The following CDK19 variants were observed in gnomAD, a reference collection of about 807,000 sequenced individuals.
CDK19 encodes the protein cyclin dependent kinase 19.
A neutral mutation model predicts 68.3 loss-of-function variants in CDK19; 20 were observed. The observed-to-expected ratio is 0.29, with a 90% confidence interval of 0.21 to 0.43. The LOEUF (loss-of-function observed/expected upper bound fraction) is 0.43, where lower values mean the gene tolerates loss of function less well. Among genes scored for constraint, CDK19 ranks in the 20% least tolerant of loss-of-function variants. The pLI is 1.00. For synonymous variants in CDK19, 221 were observed against 222.8 expected (o/e 0.99, Z 0.07); for missense variants, 339 against 623.5 (o/e 0.54, Z 4.86).
intron 6 of CDK19, among the ~76,000 whole-genome samples, chr6:110,628,593 T>C (rs1011181097): frequency 6.6e-5 from 10 of 152,180 alleles, no homozygotes; most frequent in African/African-American, 1.9e-4. Flanking sequence ...CAAAAAAACA[T>C]AGTATATACA....
intron 2 of CDK19, among the ~76,000 whole-genome samples, chr6:110,702,970 T>C (rs1774137007): frequency 6.6e-6 from 1 of 152,206 alleles, no homozygotes; most frequent in African/African-American, 2.4e-5. Context: ...TATTTCTATT[T>C]CTGAAATGTC....
intron 1 of CDK19, among the ~76,000 whole-genome samples, chr6:110,752,929 ATT>A (rs1778575544): frequency 6.6e-6 from 1 of 151,156 alleles, no homozygotes. Context: ...TTGGTTTTTT[ATT>A]TGTTTGTTTG....
Position 110,669,534 on chromosome 6 carries a change from A to C in CDK19, c.315+897T>G, listed in dbSNP as rs539460810. 1.2e-3 allele frequency among the ~76,000 whole-genome samples: 181 copies of C among 152,278 alleles called. 1 individual carries two copies. The highest frequency in any genetic ancestry group is 4.2e-3 in the African/African-American group (175 of 41,558). On this transcript the variant is annotated intron_variant, in intron 3 of 12. Transcript: ENST00000368911. ...GATGGCTCATGCCTATAATCTCAAC[A>C]GTTTGAGAGGCCAAAGTAGGAAAAT...
In CDK19 at chr6:110,712,146, T is replaced by G. The variant is rs185932759; in HGVS notation, c.204+33980A>C. ...CAGGCTACTCCTCCTGTAAAAAAAG[T>G]TCTGAGTTCAAATAAGTTTGGGAAA... On this transcript the variant is annotated intron_variant, in intron 2 of 12. Coordinates refer to ENST00000368911, the MANE Select transcript of CDK19 (RefSeq NM_015076.5). Among the ~76,000 whole-genome samples the G allele has an allele frequency of 8.5e-5, 13 of 152,298 alleles. No homozygotes were observed. The East Asian group carries it at 2.5e-3, about 29-fold the overall frequency.
In CDK19 at chr6:110,733,324, C is replaced by G. The variant is rs145978392; in HGVS notation, c.204+12802G>C. Among the ~76,000 whole-genome samples the G allele has an allele frequency of 3.0e-3, 450 of 152,224 alleles. 2 individuals are homozygous for G. Among genetic ancestry groups the G allele is most frequent in the African/African-American group, 0.01 (436 of 41,534 alleles). ...AATATTAATGCAGTCTATGGATACA[C>G]CATAAATTATTGATCCACTCTCCTA... On this transcript the variant is annotated intron_variant, in intron 2 of 12. Coordinates refer to ENST00000368911, the MANE Select transcript of CDK19 (RefSeq NM_015076.5).
intron 2 of CDK19, among the ~76,000 whole-genome samples, chr6:110,672,219 T>C (rs893888044): frequency 1.1e-4 from 17 of 151,994 alleles, no homozygotes; most frequent in African/African-American, 4.1e-4. Flanking sequence ...ACGTAGAGAG[T>C]TTGCCTTTAT....
At chr6:110,795,786 G>C (rs1187364567) in intron 1 of CDK19, among the ~76,000 whole-genome samples, 1 of 152,074 alleles carries the variant, frequency 6.6e-6, no homozygotes, top group Non-Finnish European at 1.5e-5. Context: ...AGAGAGTTCA[G>C]TAAAGCATTG....
chr6:110,641,125 T>G (rs1487742420), intron 4 of CDK19, among the ~76,000 whole-genome samples: 1 of 151,850 alleles, frequency 6.6e-6, no homozygotes, highest in Non-Finnish European at 1.5e-5. Context: ...AAAAGATTGG[T>G]TCACCATATG....
intron 1 of CDK19, among the ~76,000 whole-genome samples, chr6:110,787,615 A>AT (rs1288908558): frequency 6.6e-6 from 1 of 151,802 alleles, no homozygotes; most frequent in African/African-American, 2.4e-5. Context: ...ATTTTATTTT[A>AT]TTTTTTTGTA....
rs1214784746 is a variant in CDK19, at chr6:110,626,761, T to A, written c.860+15A>T. 6 of 1,462,912 alleles carry A rather than the reference T, an allele frequency of 4.1e-6. No individual in the cohort carries two copies. In the African/African-American group the frequency reaches 8.4e-5, roughly 21 times the overall value. The allele number at this position is 1,462,912 out of a possible 1,614,324, so 90.6% of individuals were successfully genotyped here. On this transcript the variant is annotated intron_variant, in intron 8 of 12. Transcript: ENST00000368911. ...TAGCAGCACAAAAAGACTAAGACTG[T>A]GTGGAATTACTTACGTTGTTCTTCT...
At chr6:110,637,398 A>G (rs530204191) in intron 5 of CDK19, among the ~76,000 whole-genome samples, 2 of 152,344 alleles carry the variant, frequency 1.3e-5, no homozygotes, top group Non-Finnish European at 2.9e-5. Flanking sequence ...TTCTGAATGA[A>G]TCTGATAATC....
Position 110,618,321 on chromosome 6 carries a change from C to T in CDK19, c.1377+2783G>A, listed in dbSNP as rs371348983. Among the ~76,000 whole-genome samples the T allele has an allele frequency of 9.2e-5, 14 of 152,116 alleles. No individual in the cohort carries two copies. In the South Asian group the frequency reaches 2.5e-3, roughly 27 times the overall value. On this transcript the variant is annotated intron_variant, in intron 12 of 12. Coordinates refer to ENST00000368911, the MANE Select transcript of CDK19 (RefSeq NM_015076.5). ...CTAATTTTTATATTTTTAGTAGAGACGAGGTTTTGCCATGTTGGCCAGGAT... is the reference window on the plus strand; with the variant it reads ...CTAATTTTTATATTTTTAGTAGAGATGAGGTTTTGCCATGTTGGCCAGGAT...
intron 2 of CDK19, among the ~76,000 whole-genome samples, chr6:110,696,409 T>C (rs551892842): frequency 6.6e-6 from 1 of 152,232 alleles, no homozygotes; most frequent in South Asian, 2.1e-4. Flanking sequence ...TGAGGAAAAG[T>C]TGAAAGCATT....
chr6:110,625,258 A>G (rs1779015078), intron 8 of CDK19, among the ~76,000 whole-genome samples: 1 of 152,152 alleles, frequency 6.6e-6, no homozygotes, highest in African/African-American at 2.4e-5. Flanking sequence ...CAAGGTCTCC[A>G]GGTGATTTGT....
chr6:110,655,424 A>G (rs1781250293), intron 4 of CDK19, among the ~76,000 whole-genome samples: 1 of 152,050 alleles, frequency 6.6e-6, no homozygotes, highest in African/African-American at 2.4e-5. Context: ...ACCAAAATCT[A>G]TACCTCTAGG....
intron 1 of CDK19, among the ~76,000 whole-genome samples, chr6:110,798,625 C>A (rs1782116670): frequency 7.8e-6 from 1 of 128,456 alleles, no homozygotes. Flanking sequence ...GACTCTGTCT[C>A]CAGAAAAAAA....
chr6:110,683,301 C>T (rs982650159), intron 2 of CDK19, among the ~76,000 whole-genome samples: 21 of 151,636 alleles, frequency 1.4e-4, no homozygotes, highest in African/African-American at 4.6e-4. Flanking sequence ...AAGAGTAAAT[C>T]GGATAATCCA....
intron 4 of CDK19, among the ~76,000 whole-genome samples, chr6:110,652,719 A>C (rs1335522703): frequency 6.6e-6 from 1 of 152,218 alleles, no homozygotes; most frequent in Non-Finnish European, 1.5e-5. Context: ...CACTATGTCG[A>C]AACAGAGAAT....
chr6:110,615,385 A>G (rs1778249323), intron 12 of CDK19, among the ~76,000 whole-genome samples: 1 of 152,248 alleles, frequency 6.6e-6, no homozygotes, highest in African/African-American at 2.4e-5. Flanking sequence ...TGTAAAAGGA[A>G]AAATCATCTA....
Sources: gnomAD v4.1 joint callset for allele counts (sites outside exome capture counted in the v4.1 genomes callset) on GRCh38, gnomAD v4.1.1 for gene constraint, MANE v1.5 for transcripts, NCBI Gene and HGNC (gene_info 2026-07-23, HGNC 2026-07-21) for gene names.